Variants in PPM1H observed in about 807,000 individuals in gnomAD.
PPM1H encodes protein phosphatase 1H.
PPM1H carries 27 observed loss-of-function variants against 54.9 expected under a neutral mutation model. That is an observed-to-expected ratio of 0.49 (90% CI 0.36 to 0.68). PPM1H has a LOEUF of 0.68. PPM1H is among the 30% of genes least tolerant of loss of function. The pLI, the probability that PPM1H is intolerant of heterozygous loss-of-function variation, is 0.00. For synonymous variants in PPM1H, 305 were observed against 270.8 expected, an observed-to-expected ratio of 1.13 and a Z score of -1.24; for missense variants, 596 against 667.8, an observed-to-expected ratio of 0.89 and a Z score of 1.19.
chr12:62,877,732 A>G (rs1870228911), intron 1 of PPM1H, among the ~76,000 whole-genome samples: 1 of 152,174 alleles, frequency 6.6e-6, no homozygotes, highest in South Asian at 2.1e-4. Context: ...TGAATGAATG[A>G]TTCACATCCA....
chr12:62,766,665 T>C (rs1269159374), intron 4 of PPM1H, among the ~76,000 whole-genome samples: 3 of 152,188 alleles, frequency 2.0e-5, no homozygotes, highest in Admixed American at 1.3e-4. Context: ...GGCTGTGTGA[T>C]AGAATGAGCA....
intron 1 of PPM1H, among the ~76,000 whole-genome samples, chr12:62,929,050 G>C (rs972207196): frequency 1.3e-5 from 2 of 152,110 alleles, no homozygotes; most frequent in African/African-American, 4.8e-5. Context: ...TGACTTAAAG[G>C]CTCCAAATAC....
Position 62,737,526 on chromosome 12 carries a change from C to T in PPM1H, c.930G>A (p.Thr310=), listed in dbSNP as rs370367276. The T allele has an allele frequency of 6.2e-5, 98 of 1,584,442 alleles. No homozygotes were observed. The highest frequency in any genetic ancestry group is 3.3e-4 in the Middle Eastern group (2 of 6,014). Residue 310 remains threonine, a synonymous_variant, in exon 5 of 10, where the codon ACG becomes ACA. Coordinates refer to ENST00000228705, the MANE Select transcript of PPM1H (RefSeq NM_020700.2). ...CCAGGTACTGAAGTCGCTGGCGCTCCGTCTCGGGGGTAAATTCTGAAGACA... is the reference window on the plus strand; with the variant it reads ...CCAGGTACTGAAGTCGCTGGCGCTCTGTCTCGGGGGTAAATTCTGAAGACA... The part of the protein sequence containing the change: ...IPMSSEFTPE[T]ERQRLQYLAF...
At chr12:62,824,016 A>C (rs1445322809) in intron 2 of PPM1H, among the ~76,000 whole-genome samples, 1 of 151,662 alleles carries the variant, frequency 6.6e-6, no homozygotes, top group Non-Finnish European at 1.5e-5. Context: ...TTCTCAGCCC[A>C]AAATCTCCTT....
chr12:62,682,748 C>T (rs2076026508), intron 8 of PPM1H, among the ~76,000 whole-genome samples: 1 of 152,160 alleles, frequency 6.6e-6, no homozygotes, highest in African/African-American at 2.4e-5. Context: ...AGGTGATCCT[C>T]CCACTTCAGC....
chr12:62,897,032 C>T (rs898640543), intron 1 of PPM1H, among the ~76,000 whole-genome samples: 11 of 137,778 alleles, frequency 8.0e-5, no homozygotes, highest in South Asian at 2.2e-4. Context: ...TTCTCACTCG[C>T]AGGTGGGAAT....
intron 6 of PPM1H, among the ~76,000 whole-genome samples, chr12:62,709,583 T>C (rs1253986435): frequency 1.3e-5 from 2 of 152,062 alleles, no homozygotes; most frequent in Admixed American, 1.3e-4. Context: ...CAGGAAGTCC[T>C]CCCCAATCCC....
chr12:62,775,689 CA>C (rs1487260795), intron 4 of PPM1H, among the ~76,000 whole-genome samples: 1 of 152,214 alleles, frequency 6.6e-6, no homozygotes, highest in African/African-American at 2.4e-5. Context: ...AGTTCAAGCT[CA>C]GACCTCATGG....
At chr12:62,683,042 A>T (rs1394007525) in intron 8 of PPM1H, among the ~76,000 whole-genome samples, 9 of 55,996 alleles carry the variant, frequency 1.6e-4, no homozygotes, top group Admixed American at 2.9e-4. Context: ...ATTTATTATT[A>T]TTATTATTAT....
In PPM1H at chr12:62,863,594, TA is replaced by T. The variant is rs1168962863; in HGVS notation, c.246-31316del. ...GTAGAGGCAATACTGTCATTCTCCATAAGCCTAAGTTTGGAAATTTTTAAAT... is the reference window on the plus strand; with the variant it reads ...GTAGAGGCAATACTGTCATTCTCCATAGCCTAAGTTTGGAAATTTTTAAAT... On this transcript the variant is annotated intron_variant, in intron 1 of 9. Transcript: ENST00000228705. Among the ~76,000 whole-genome samples the T allele has an allele frequency of 2.6e-5, 4 of 152,206 alleles. No individual in the cohort carries two copies. In the East Asian group the frequency reaches 5.8e-4, roughly 22 times the overall value.
chr12:62,789,008 G>A (rs1190824251), intron 3 of PPM1H, among the ~76,000 whole-genome samples: 1 of 150,906 alleles, frequency 6.6e-6, no homozygotes, highest in East Asian at 2.0e-4. Context: ...TTACAGGCAT[G>A]AGCCACTGCG....
intron 4 of PPM1H, among the ~76,000 whole-genome samples, chr12:62,771,241 C>T (rs1184414982): frequency 6.7e-6 from 1 of 148,750 alleles, no homozygotes; most frequent in Admixed American, 6.8e-5. Flanking sequence ...AAGAATATTA[C>T]AGGCTGCCCA....
intron 8 of PPM1H, among the ~76,000 whole-genome samples, chr12:62,689,044 A>G (rs1192007802): frequency 6.6e-6 from 1 of 152,168 alleles, no homozygotes; most frequent in Non-Finnish European, 1.5e-5. Flanking sequence ...AGACAGTGAA[A>G]ACACTGTACG....
At chr12:62,793,463 G>T (rs560907426) in intron 3 of PPM1H, among the ~76,000 whole-genome samples, 2 of 152,094 alleles carry the variant, frequency 1.3e-5, no homozygotes, top group East Asian at 3.9e-4. Flanking sequence ...GGTGGCTCAC[G>T]CCTGTAATCT....
rs575358877 is a variant in PPM1H at position 62,672,774 on chromosome 12, G to A, written c.1246-5445C>T. Among the ~76,000 whole-genome samples, 15 of 152,290 alleles carry A rather than the reference G, an allele frequency of 9.8e-5. No individual in the cohort carries two copies. The South Asian group carries it at 3.1e-3, about 32-fold the overall frequency. On this transcript the variant is annotated intron_variant, in intron 8 of 9. Coordinates refer to ENST00000228705, the MANE Select transcript of PPM1H (RefSeq NM_020700.2). ...CTGTCCAGCTTACAATGAACACCCA[G>A]GGGGTTGGTCATCTTATTGTCCCAC...
At chr12:62,827,636 A>G (rs571511785) in intron 2 of PPM1H, among the ~76,000 whole-genome samples, 39 of 152,300 alleles carry the variant, frequency 2.6e-4, no homozygotes, top group African/African-American at 8.9e-4. Context: ...TCCAAAACAC[A>G]GGAAGACATG....
chr12:62,871,983 T>C (rs1386678851), intron 1 of PPM1H, among the ~76,000 whole-genome samples: 1 of 152,246 alleles, frequency 6.6e-6, no homozygotes. Context: ...AGTCCTGCTC[T>C]AAGCTCTCAC....
At chr12:62,843,851 C>A (rs1484896491) in intron 1 of PPM1H, among the ~76,000 whole-genome samples, 1 of 152,170 alleles carries the variant, frequency 6.6e-6, no homozygotes, top group Non-Finnish European at 1.5e-5. Flanking sequence ...AACAATACAT[C>A]AAGTAGCCCT....
At chr12:62,698,467 C>T (rs2076125567) in intron 6 of PPM1H, among the ~76,000 whole-genome samples, 1 of 152,062 alleles carries the variant, frequency 6.6e-6, no homozygotes, top group Non-Finnish European at 1.5e-5. Context: ...TTCAACTGTT[C>T]TTCACAGGAC....
Sources: allele counts gnomAD v4.1 joint callset (sites outside exome capture counted in the v4.1 genomes callset), GRCh38; gene constraint gnomAD v4.1.1; transcripts MANE v1.5; gene names NCBI Gene and HGNC (gene_info 2026-07-23, HGNC 2026-07-21).